Variants in TLE1 observed in about 807,000 individuals in gnomAD.
The protein encoded by TLE1 is transducin-like enhancer protein 1.
A neutral mutation model predicts 89.8 loss-of-function variants in TLE1; 21 were observed. The ratio of observed to expected loss-of-function variants is 0.23; its 90% CI spans 0.17 to 0.34. The LOEUF (loss-of-function observed/expected upper bound fraction) is 0.34, where lower values mean the gene tolerates loss of function less well. Among genes scored for constraint, TLE1 ranks in the 10% least tolerant of loss-of-function variants. The pLI, the probability that TLE1 is intolerant of heterozygous loss-of-function variation, is 1.00. For missense variants in TLE1, 795 were observed against 1,031.2 expected, an observed-to-expected ratio of 0.77 and a Z score of 3.14; for synonymous variants, 447 against 407.6, an observed-to-expected ratio of 1.10 and a Z score of -1.16.
At chr9:81,678,448 G>A (rs1364536857) in intron 4 of TLE1, among the ~76,000 whole-genome samples, 1 of 152,102 alleles carries the variant, frequency 6.6e-6, no homozygotes, top group Non-Finnish European at 1.5e-5. Context: ...TCTAACTCCT[G>A]GGCTCAAGTG....
intron 6 of TLE1, among the ~76,000 whole-genome samples, chr9:81,642,003 CAA>C (rs1421350308): frequency 6.6e-6 from 1 of 151,950 alleles, no homozygotes; most frequent in East Asian, 1.9e-4. Flanking sequence ...GCCTGGGCAA[CAA>C]GAGCAAAACT....
intron 4 of TLE1, among the ~76,000 whole-genome samples, chr9:81,656,122 G>A (rs1228790641): frequency 6.6e-6 from 1 of 152,076 alleles, no homozygotes; most frequent in Non-Finnish European, 1.5e-5. Context: ...CCTTGCTTTA[G>A]CCAGCGAGGC....
intron 11 of TLE1, among the ~76,000 whole-genome samples, chr9:81,614,481 A>G (rs932400154): frequency 3.9e-5 from 6 of 152,032 alleles, no homozygotes; most frequent in South Asian, 4.1e-4. Context: ...TGGCCTTTCA[A>G]CCTTTCATGT....
intron 4 of TLE1, among the ~76,000 whole-genome samples, chr9:81,665,504 G>C (rs1411610318): frequency 2.0e-5 from 3 of 151,960 alleles, no homozygotes; most frequent in Non-Finnish European, 4.4e-5. Context: ...ACAAGGAGGG[G>C]TTAAAAGAAA....
chr9:81,593,768 T>A (rs1407077050), intron 14 of TLE1, among the ~76,000 whole-genome samples: 5 of 152,188 alleles, frequency 3.3e-5, no homozygotes, highest in African/African-American at 1.2e-4. Context: ...TTTCTAAAAA[T>A]ACCAGTTTAT....
chr9:81,606,875 T>A (rs952266689), intron 14 of TLE1, among the ~76,000 whole-genome samples: 8 of 151,726 alleles, frequency 5.3e-5, no homozygotes. Flanking sequence ...TTCCTTCTGA[T>A]ATTAAGTCTA....
chr9:81,587,953 C>G (rs1828830663), intron 16 of TLE1, 125 bp from the exon 17 acceptor site: 9 of 586,524 alleles, frequency 1.5e-5, no homozygotes, highest in Admixed American at 5.7e-5. Context: ...TGTGATCCCG[C>G]CAGTGTCTGC....
Position 81,631,309 on chromosome 9 carries a change from C to T in TLE1, c.594+2039G>A, listed in dbSNP as rs560218971. On this transcript the variant is annotated intron_variant, in intron 8 of 19. Transcript: ENST00000376499. ...TCAAAAATACCAACAGGAGGTTATC[C>T]GACACATTCGGAAATTCAGAAAGAC... 1.7e-3 allele frequency among the ~76,000 whole-genome samples: 262 copies of T among 152,284 alleles called. 2 individuals are homozygous for T. The highest frequency in any genetic ancestry group is 4.5e-3 in the Admixed American group (69 of 15,292).
chr9:81,647,799 A>T (rs1829039904), intron 6 of TLE1, among the ~76,000 whole-genome samples: 1 of 152,216 alleles, frequency 6.6e-6, no homozygotes, highest in Non-Finnish European at 1.5e-5. Flanking sequence ...TCTGATCCCA[A>T]GGCCCATGCT....
chr9:81,631,878 G>A (rs753017264), intron 8 of TLE1, among the ~76,000 whole-genome samples: 16 of 152,038 alleles, frequency 1.1e-4, no homozygotes, highest in East Asian at 5.8e-4. Context: ...TGAGGCAGGC[G>A]GATCACCTGA....
intron 6 of TLE1, among the ~76,000 whole-genome samples, chr9:81,635,286 T>C (rs183955569): frequency 5.8e-4 from 89 of 152,250 alleles, no homozygotes; most frequent in Admixed American, 1.5e-3. Flanking sequence ...AGACCTAGAA[T>C]GGGTAGGACC....
rs1313063021 is a variant in TLE1, at chr9:81,663,059, TG to T, written c.235-9024del. ...TGGGGTTTCACCATATTGGCAAGGC[TG>T]GTCTCGAACTCCTTACCTCAAATTA... is the stretch of plus-strand genomic sequence containing the variant. On this transcript the variant is annotated intron_variant, in intron 4 of 19. Coordinates refer to ENST00000376499, the MANE Select transcript of TLE1 (RefSeq NM_005077.5). Among the ~76,000 whole-genome samples the T allele has an allele frequency of 2.6e-5, 4 of 152,106 alleles. No homozygotes were observed. The East Asian group carries it at 7.8e-4, about 30-fold the overall frequency.
intron 4 of TLE1, among the ~76,000 whole-genome samples, chr9:81,664,720 A>G (rs1311727254): frequency 4.6e-5 from 7 of 151,866 alleles, no homozygotes; most frequent in African/African-American, 1.7e-4. Flanking sequence ...AAAAAAAAAA[A>G]TAAGTGAGGT....
At chr9:81,654,968 G>A (rs948052745) in intron 4 of TLE1, among the ~76,000 whole-genome samples, 4 of 152,132 alleles carry the variant, frequency 2.6e-5, no homozygotes, top group African/African-American at 7.2e-5. Flanking sequence ...GGAAAGTTTC[G>A]CCACAGTTCA....
chr9:81,660,946 C>CACACACACACAT (rs1830696971), intron 4 of TLE1, among the ~76,000 whole-genome samples: 1 of 97,760 alleles, frequency 1.0e-5, no homozygotes, highest in Non-Finnish European at 2.3e-5. Flanking sequence ...CACACACACA[C>CACACACACACAT]ACACACACAC....
chr9:81,648,701 G>T (rs1384770073), intron 6 of TLE1, among the ~76,000 whole-genome samples: 2 of 152,198 alleles, frequency 1.3e-5, no homozygotes, highest in Non-Finnish European at 2.9e-5. Context: ...GTCTTGAAGA[G>T]TCTTTCAATC....
chr9:81,670,514 C>T (rs568933883), intron 4 of TLE1, among the ~76,000 whole-genome samples: 16 of 151,878 alleles, frequency 1.1e-4, no homozygotes, highest in Non-Finnish European at 1.5e-4. Flanking sequence ...TTAGTAGAGA[C>T]GGGGTTTCAC....
chr9:81,587,759 C>A lies in TLE1; in HGVS notation c.1899G>T (p.Thr633=), dbSNP rs774599116. ...ACCTGACTGTGTTGTCCAAACCACC[C>A]GTCCAGAGCTTGGTGCCATCATTAG... The part of the protein sequence containing the change: ...DISNDGTKLW[T]GGLDNTVRSW... The change falls in exon 17 of 20, where the codon ACG becomes ACT. Residue 633 remains threonine (T), a synonymous_variant. Transcript: ENST00000376499. The A allele has an allele frequency of 2.5e-6, 4 of 1,614,064 alleles. No individual in the cohort carries two copies. Among genetic ancestry groups the A allele is most frequent in the African/African-American group, 1.3e-5 (1 of 74,930 alleles).
intron 6 of TLE1, among the ~76,000 whole-genome samples, chr9:81,636,557 C>A (rs1487098435): frequency 4.6e-5 from 7 of 152,066 alleles, no homozygotes; most frequent in African/African-American, 1.7e-4. Flanking sequence ...GGGAAGGAAT[C>A]TAACTACAGG....
Sources: allele counts gnomAD v4.1 joint callset (sites outside exome capture counted in the v4.1 genomes callset), GRCh38; gene constraint gnomAD v4.1.1; transcripts MANE v1.5; gene names NCBI Gene and HGNC (gene_info 2026-07-23, HGNC 2026-07-21).